The following MYH6 variants were observed in gnomAD, a reference collection of about 807,000 sequenced individuals.
MYH6 encodes myosin heavy chain 6.
A neutral mutation model predicts 223.2 loss-of-function variants in MYH6; 126 were observed. The observed-to-expected ratio is 0.56, with a 90% confidence interval of 0.49 to 0.65. The LOEUF is 0.65. Among genes scored for constraint, MYH6 ranks in the 30% least tolerant of loss-of-function variants. The probability of loss-of-function intolerance (pLI) is 0.00; values close to 1 mark genes in which losing one functional copy is unlikely to be tolerated. For missense variants in MYH6, 2,040 were observed against 2,536.4 expected (o/e 0.80, Z 4.20); for synonymous variants, 978 against 1,010.2 (o/e 0.97, Z 0.61).
chr14:23,399,111 C>T (rs1891520780), intron 14 of MYH6, 74 bp from the exon 15 acceptor site: 2 of 1,573,460 alleles, frequency 1.3e-6, no homozygotes, highest in African/African-American at 2.7e-5. Context: ...CATACCCTGA[C>T]AGGAAAAGGA....
chr14:23,389,609 C>T lies in MYH6; in HGVS notation c.3843G>A (p.Lys1281=), dbSNP rs776787896. 5.0e-6 allele frequency: 8 copies of T among 1,614,124 alleles called. No homozygotes were observed. The highest frequency in any genetic ancestry group is 1.7e-5 in the Admixed American group (1 of 60,014). ...SLNDFTTQRA[K]LQTENGELAR... Reference sequence around the variant, plus strand: ...GGCACCCACCATTCTCGGTCTGCAGCTTGGCTCGCTGGGTGGTGAAATCAT... The same window carrying T: ...GGCACCCACCATTCTCGGTCTGCAGTTTGGCTCGCTGGGTGGTGAAATCAT... The change falls in exon 27 of 39, where the codon AAG becomes AAA. Residue 1281 remains lysine (K), a synonymous_variant. Transcript: ENST00000405093.
In MYH6 at chr14:23,404,841, A is replaced by T. The variant is rs374174532; in HGVS notation, c.531-19T>A. 170 of 1,607,092 alleles carry T rather than the reference A, an allele frequency of 1.1e-4. No individual in the cohort carries two copies. In the African/African-American group the frequency reaches 1.5e-3, roughly 14 times the overall value. On this transcript the variant is annotated intron_variant, in intron 6 of 38. Coordinates refer to ENST00000405093, the MANE Select transcript of MYH6 (RefSeq NM_002471.4). ...TTCTCCCCTGGGGGCCACAGAGACC[A>T]ATCAAAACTCAGGATTCCTACTGTT...
At chr14:23,397,451 T>C in intron 16 of MYH6, 92 bp downstream of exon 16, 1 of 1,484,634 alleles carries the variant, frequency 6.7e-7, no homozygotes, top group East Asian at 2.3e-5. Context: ...TCTTTCCTCA[T>C]CAAACTCAAG....
chr14:23,393,661 C>T lies in MYH6; in HGVS notation c.2928+5G>A, dbSNP rs28730772. The T allele has an allele frequency of 3.1e-3, 5,063 of 1,614,208 alleles. 12 individuals carry two copies. Among genetic ancestry groups the T allele is most frequent in the Non-Finnish European group, 4.1e-3 (4,785 of 1,180,046 alleles). ...TGGGCTGAAGCCAGAGGGAGCTGCC[C>T]TCACCTTGTTCTCTGTTGCATGCTT... is the stretch of plus-strand genomic sequence containing the variant. On this transcript the variant is annotated splice_donor_5th_base_variant and intron_variant, in intron 22 of 38. Transcript: ENST00000405093.
At chr14:23,400,517 G>A in intron 13 of MYH6, 91 bp from the exon 14 acceptor site, 1 of 1,604,210 alleles carries the variant, frequency 6.2e-7, no homozygotes, top group Non-Finnish European at 8.5e-7. Context: ...GCCCAGCAGG[G>A]TATGGCTGTC....
At position 23,384,949 on chromosome 14, in the gene MYH6, G is replaced by C. The variant is rs534138672; in HGVS notation, c.5256C>G (p.Asn1752Lys). ...EVEEAVQECR[N>K]AEEKAKKAIT... ...TGGCCTTCTTGGCCTTCTCCTCGGC[G>C]TTTCTGCACTCCTGCACTGCCTCCT... The change falls in exon 35 of 39, where the codon AAC becomes AAG. Residue 1752 changes from asparagine (N) to lysine (K), a missense_variant. Transcript: ENST00000405093. 2 of 1,614,226 alleles carry C rather than the reference G, an allele frequency of 1.2e-6. No individual in the cohort carries two copies. The highest frequency in any genetic ancestry group is 1.3e-5 in the African/African-American group (1 of 75,062).
At chr14:23,396,113 A>AG (rs974577290) in intron 20 of MYH6, among the ~76,000 whole-genome samples, 171 bp downstream of exon 20, 38 of 144,530 alleles carry the variant, frequency 2.6e-4, no homozygotes, top group Middle Eastern at 3.5e-3. Flanking sequence ...TAAAAAAAAA[A>AG]AAAGAAGAAG....
chr14:23,393,346 T>A lies in MYH6; in HGVS notation c.3101A>T (p.Asp1034Val), dbSNP rs1891294392. Residue 1034 changes from aspartate to valine, a missense_variant, in exon 23 of 39, where the codon GAT becomes GTT. Coordinates refer to ENST00000405093, the MANE Select transcript of MYH6 (RefSeq NM_002471.4). Reference sequence around the variant, plus strand: ...AGCATGGTTCTTACTACTCACATCATCCACCTGCTGCTCCAGCTTGACCTT... The same window carrying A: ...AGCATGGTTCTTACTACTCACATCAACCACCTGCTGCTCCAGCTTGACCTT... ...KSKVKLEQQV[D>V]DLEGSLEQEK... 1 of 1,614,066 alleles carries A rather than the reference T, an allele frequency of 6.2e-7. No individual in the cohort carries two copies. Among genetic ancestry groups the A allele is most frequent in the South Asian group, 1.1e-5 (1 of 91,088 alleles).
Position 23,386,066 on chromosome 14 carries a change from G to C in MYH6, c.5025C>G (p.Ile1675Met). 6.2e-7 allele frequency: 1 copy of C among 1,614,198 alleles called. No individual in the cohort carries two copies. The highest frequency in any genetic ancestry group is 8.5e-7 in the Non-Finnish European group (1 of 1,180,030). The change falls in exon 34 of 39, where the codon ATC becomes ATG. Residue 1675 changes from isoleucine to methionine, a missense_variant. By Grantham distance (10) the Ile-to-Met change is conservative. This residue lies in a region of MYH6 where 1,203 missense variants were observed against 1,400.2 expected (regional missense o/e 0.86). Transcript: ENST00000405093. ...GCAGCAGGTTGTTGCGCCGCTCCACGATGGCGATGTTCTCCTTCAGGTCGT... is the reference window on the plus strand; with the variant it reads ...GCAGCAGGTTGTTGCGCCGCTCCACCATGGCGATGTTCTCCTTCAGGTCGT... ...ANDDLKENIA[I>M]VERRNNLLQA... is the part of the protein sequence containing the mutation.
At chr14:23,396,907 A>T (rs1891412919) in intron 18 of MYH6, 56 bp downstream of exon 18, 77 of 1,612,350 alleles carry the variant, frequency 4.8e-5, no homozygotes, top group Non-Finnish European at 6.4e-5. Context: ...TCCCATTCCC[A>T]TCAGGGCAGC....
At chr14:23,399,967 G>A in intron 14 of MYH6, 1 of 478,242 alleles carries the variant, frequency 2.1e-6, no homozygotes, top group South Asian at 2.2e-5. Flanking sequence ...TTCCATGAAT[G>A]ACGCTTCTCA....
Position 23,400,826 on chromosome 14 carries a change from T to C in MYH6, c.1293A>G (p.Ala431=). 2 of 1,614,174 alleles carry C rather than the reference T, an allele frequency of 1.2e-6. No individual in the cohort carries two copies. The highest frequency in any genetic ancestry group is 8.5e-7 in the Non-Finnish European group (1 of 1,180,040). ...TCCAGTTGAACATCTTCTCATACACTGCCTTGGCCAGAGCCCCGATGGAGT... is the reference window on the plus strand; with the variant it reads ...TCCAGTTGAACATCTTCTCATACACCGCCTTGGCCAGAGCCCCGATGGAGT... ...VYYSIGALAK[A]VYEKMFNWMV... is the part of the protein sequence containing the mutation. Residue 431 remains alanine, a synonymous_variant, in exon 13 of 39, where the codon GCA becomes GCG. Coordinates refer to ENST00000405093, the MANE Select transcript of MYH6 (RefSeq NM_002471.4).
At chr14:23,397,482 C>T (rs959086523) in intron 16 of MYH6, 61 bp downstream of exon 16, 21 of 1,569,570 alleles carry the variant, frequency 1.3e-5, no homozygotes, top group Non-Finnish European at 1.8e-5. Context: ...GGTGGTGCAG[C>T]CAGAAGTCTC....
chr14:23,390,631 G>T (rs916251840), intron 25 of MYH6, among the ~76,000 whole-genome samples, 185 bp from the exon 26 acceptor site: 3 of 152,086 alleles, frequency 2.0e-5, no homozygotes, highest in Non-Finnish European at 4.4e-5. Flanking sequence ...CTTGCTACTG[G>T]CATCTAGAGG....
chr14:23,392,752 C>T (rs1049147444), intron 24 of MYH6, 100 bp from the exon 25 acceptor site: 8 of 1,445,166 alleles, frequency 5.5e-6, no homozygotes, highest in Admixed American at 3.4e-5. Context: ...GGCACCTCCC[C>T]CTCCCCTCGC....
In MYH6 at chr14:23,405,142, A is replaced by G. The variant is rs1891742494; in HGVS notation, c.503-15T>C. The stretch of plus-strand genomic sequence containing the variant: ...GTTCTCCCGATCTGGAAGAAAAAAG[A>G]GGAGAAGCAATGGGGTCAGGGCTGA... On this transcript the variant is annotated splice_polypyrimidine_tract_variant and intron_variant, in intron 5 of 38. Coordinates refer to ENST00000405093, the MANE Select transcript of MYH6 (RefSeq NM_002471.4). The surrounding 1 kb of genome is among the most constrained non-coding windows in gnomAD (Gnocchi z 4.7). 1 of 1,613,880 alleles carries G rather than the reference A, an allele frequency of 6.2e-7. No individual in the cohort carries two copies. Among genetic ancestry groups the G allele is most frequent in the African/African-American group, 1.3e-5 (1 of 74,918 alleles).
At chr14:23,386,189 G>T in intron 33 of MYH6, 58 bp from the exon 34 acceptor site, 5 of 1,612,828 alleles carry the variant, frequency 3.1e-6, no homozygotes, top group Non-Finnish European at 4.2e-6. Flanking sequence ...TTCACTGAGG[G>T]CACCTGTCAG....
rs377064992 is a variant in MYH6 at position 23,405,022 on chromosome 14, T to G, written c.530+78A>C. On this transcript the variant is annotated intron_variant, in intron 6 of 38. Coordinates refer to ENST00000405093, the MANE Select transcript of MYH6 (RefSeq NM_002471.4). The surrounding 1 kb of genome is among the most constrained non-coding windows in gnomAD (Gnocchi z 4.7). Reference sequence around the variant, plus strand: ...CCCTGCAATCCCAGCCTTAAACCTCTCCTCCCAACTACACCCTAGGCATCA... The same window carrying G: ...CCCTGCAATCCCAGCCTTAAACCTCGCCTCCCAACTACACCCTAGGCATCA... 1.7e-5 allele frequency: 27 copies of G among 1,604,520 alleles called. No individual in the cohort carries two copies. The highest frequency in any genetic ancestry group is 4.0e-5 in the African/African-American group (3 of 74,574).
chr14:23,398,676 C>A (rs1891503113), intron 15 of MYH6, 52 bp downstream of exon 15: 3 of 1,592,910 alleles, frequency 1.9e-6, no homozygotes, highest in South Asian at 2.2e-5. Flanking sequence ...AGGACCCTGG[C>A]CCTTTGTGTC....
Sources: allele counts gnomAD v4.1 joint callset (sites outside exome capture counted in the v4.1 genomes callset), GRCh38; gene constraint gnomAD v4.1.1; regional missense constraint gnomAD v4.1.1; non-coding constraint Gnocchi (gnomAD v3.1); transcripts MANE v1.5; gene names NCBI Gene and HGNC (gene_info 2026-07-23, HGNC 2026-07-21).